Variants in DEPDC5 observed in about 807,000 individuals in gnomAD.
DEPDC5 encodes DEP domain containing 5, GATOR1 subcomplex subunit.
A neutral mutation model predicts 217.3 loss-of-function variants in DEPDC5; 73 were observed. That is an observed-to-expected ratio of 0.34 (90% CI 0.28 to 0.41). DEPDC5 has a LOEUF of 0.41. DEPDC5 is among the 10% of genes least tolerant of loss of function. The pLI, the probability that DEPDC5 is intolerant of heterozygous loss-of-function variation, is 1.00. For missense variants in DEPDC5, 1,675 were observed against 2,070.1 expected (o/e 0.81, Z 3.70); for synonymous variants, 733 against 756.7 (o/e 0.97, Z 0.51).
In DEPDC5 at chr22:31,802,778, G is replaced by C. The variant is rs767594913; in HGVS notation, c.1021G>C (p.Gly341Arg). 3.1e-6 allele frequency: 5 copies of C among 1,605,406 alleles called. No homozygotes were observed. The highest frequency in any genetic ancestry group is 8.5e-7 in the Non-Finnish European group (1 of 1,176,378). The change falls in exon 15 of 43, where the codon GGT becomes CGT. Residue 341 changes from glycine (G) to arginine (R), a missense_variant. Gly to Arg is a moderately radical substitution (Grantham distance 125, BLOSUM62 -2). Around this residue, in one of 11 missense-constraint regions of DEPDC5, gnomAD observed 628 missense variants for 762.1 expected, o/e 0.82. Transcript: ENST00000651528. ...QMSVVITPGV[G>R]VFEVDRLLMI... ...GTCAGTGGTGATCACGCCCGGGGTG[G>C]GTGTCTTTGAAGTGGACCGCCTACT...
At position 31,905,966 on chromosome 22, in the gene DEPDC5, C is replaced by T; in HGVS notation, c.4437-18C>T. 1 of 1,611,044 alleles carries T rather than the reference C, an allele frequency of 6.2e-7. No homozygotes were observed. Among genetic ancestry groups the T allele is most frequent in the Middle Eastern group, 1.7e-4 (1 of 6,056 alleles). ...ACTAAGGAGGCGCTGATTAGCATGT[C>T]TTCCTGTCCTTCCCTAGGTTTGGGT... is the stretch of plus-strand genomic sequence containing the variant. On this transcript the variant is annotated intron_variant, in intron 41 of 42. Coordinates refer to ENST00000651528, the MANE Select transcript of DEPDC5 (RefSeq NM_001242896.3).
chr22:31,906,038 G>T lies in DEPDC5; in HGVS notation c.4491G>T (p.Glu1497Asp). 1 of 1,614,176 alleles carries T rather than the reference G, an allele frequency of 6.2e-7. No homozygotes were observed. The highest frequency in any genetic ancestry group is 1.1e-5 in the South Asian group (1 of 91,086). Residue 1497 changes from glutamate (E) to aspartate (D), a missense_variant, in exon 42 of 43, where the codon GAG (glutamate) becomes GAT (aspartate). By Grantham distance (45) the Glu-to-Asp change is conservative. This residue lies in a region of DEPDC5 where 182 missense variants were observed against 290.1 expected (regional missense o/e 0.63). Coordinates refer to ENST00000651528, the MANE Select transcript of DEPDC5 (RefSeq NM_001242896.3). The surrounding 1 kb of genome is among the most constrained non-coding windows in gnomAD (Gnocchi z 5.1). ...YSASAFNFPA[E>D]NKPQYIHVTG... ...CCTCTGCTTTTAACTTCCCTGCTGA[G>T]AACAAGCCTCAGTATATCCACGTTA...
chr22:31,754,428 C>T (rs920964746), intron 1 of DEPDC5, among the ~76,000 whole-genome samples: 1 of 152,234 alleles, frequency 6.6e-6, no homozygotes, highest in African/African-American at 2.4e-5. Flanking sequence ...GGCAGCAAAA[C>T]GAGAATGGTG....
intron 20 of DEPDC5, among the ~76,000 whole-genome samples, chr22:31,812,712 C>G (rs1350151709): frequency 1.1e-4 from 16 of 147,730 alleles, no homozygotes; most frequent in African/African-American, 3.9e-4. Context: ...GCGTGAGCCA[C>G]CGCGCCCGGC....
At chr22:31,807,523 C>T (rs1056686787) in intron 18 of DEPDC5, among the ~76,000 whole-genome samples, 5 of 152,136 alleles carry the variant, frequency 3.3e-5, no homozygotes, top group South Asian at 2.1e-4. Context: ...CTTCTGCCTC[C>T]CAGGTTCAAG....
chr22:31,833,040 C>G (rs1486491909), intron 24 of DEPDC5, among the ~76,000 whole-genome samples: 1 of 152,186 alleles, frequency 6.6e-6, no homozygotes, highest in Non-Finnish European at 1.5e-5. Flanking sequence ...GAGCATCTTT[C>G]CAGTCCTTTT....
chr22:31,804,947 A>G (rs751844538), intron 17 of DEPDC5, 32 bp downstream of exon 17: 1 of 1,589,472 alleles, frequency 6.3e-7, no homozygotes, highest in Non-Finnish European at 8.6e-7. Context: ...AGTAGGTGAT[A>G]AGCGTTTTGA....
chr22:31,770,666 A>G (rs1235784254), intron 7 of DEPDC5, among the ~76,000 whole-genome samples: 2 of 149,908 alleles, frequency 1.3e-5, no homozygotes, highest in African/African-American at 4.9e-5. Flanking sequence ...TGCTGGGATT[A>G]CAGGTGTGAG....
At chr22:31,880,898 C>G (rs999959533) in intron 38 of DEPDC5, among the ~76,000 whole-genome samples, 2 of 152,084 alleles carry the variant, frequency 1.3e-5, no homozygotes, top group African/African-American at 4.8e-5. Context: ...ACAGTGTGCA[C>G]CAGGTACTCG....
chr22:31,773,993 C>A (rs1337004419), intron 7 of DEPDC5, among the ~76,000 whole-genome samples: 1 of 151,808 alleles, frequency 6.6e-6, no homozygotes, highest in African/African-American at 2.4e-5. Context: ...ATTGCTTGAA[C>A]CTGGGAGGCA....
In DEPDC5 at chr22:31,780,289, G is replaced by A. The variant is rs1180194437; in HGVS notation, c.483+2121G>A. On this transcript the variant is annotated intron_variant, in intron 8 of 42. Transcript: ENST00000651528. ...CACAGAACTTGCTCATAGATTGGAT[G>A]TGAGGAGTGAAGGAAAGAGAAGTAC... Among the ~76,000 whole-genome samples, 3 of 152,198 alleles carry A rather than the reference G, an allele frequency of 2.0e-5. No homozygotes were observed. The South Asian group carries it at 6.2e-4, about 31-fold the overall frequency.
chr22:31,880,056 G>C (rs747901324), intron 38 of DEPDC5: 7 of 374,566 alleles, frequency 1.9e-5, no homozygotes, highest in Non-Finnish European at 3.1e-5. Context: ...GTAGGATATA[G>C]GAGATGTGAG....
chr22:31,894,168 A>C (rs2093498976), intron 39 of DEPDC5: 1 of 153,352 alleles, frequency 6.5e-6, no homozygotes, highest in African/African-American at 2.4e-5. Flanking sequence ...AGTGAAAAGT[A>C]AGTCTGTTTC....
intron 31 of DEPDC5, among the ~76,000 whole-genome samples, chr22:31,847,520 A>T (rs746649793): frequency 6.6e-6 from 1 of 152,222 alleles, no homozygotes; most frequent in Non-Finnish European, 1.5e-5. Flanking sequence ...AAAGGGAAGC[A>T]AACACATCCT....
In DEPDC5 at chr22:31,767,372, C is replaced by T. The variant is rs550067824; in HGVS notation, c.363+704C>T. Among the ~76,000 whole-genome samples, 7 of 151,570 alleles carry T rather than the reference C, an allele frequency of 4.6e-5. No homozygotes were observed. In the South Asian group the frequency reaches 6.3e-4, roughly 14 times the overall value. On this transcript the variant is annotated intron_variant, in intron 6 of 42. Coordinates refer to ENST00000651528, the MANE Select transcript of DEPDC5 (RefSeq NM_001242896.3). ...GTGCAATGGCGTGATCTCGGCTCAC[C>T]ACAACCTCGGCCTTCCTGGTTCAAG...
intron 9 of DEPDC5, chr22:31,784,603 A>G: frequency 2.3e-6 from 1 of 440,094 alleles, no homozygotes; most frequent in Non-Finnish European, 4.1e-6. Flanking sequence ...CTGGGAGACA[A>G]AGTGAGACTC....
At chr22:31,842,728 C>T (rs2091471985) in intron 27 of DEPDC5, among the ~76,000 whole-genome samples, 1 of 152,268 alleles carries the variant, frequency 6.6e-6, no homozygotes, top group Non-Finnish European at 1.5e-5. Context: ...GTGAGAACCT[C>T]GAATGCCAAG....
intron 39 of DEPDC5, among the ~76,000 whole-genome samples, chr22:31,896,137 T>C (rs1014684569): frequency 1.3e-5 from 2 of 152,180 alleles, no homozygotes; most frequent in African/African-American, 2.4e-5. Flanking sequence ...AAAGTACACC[T>C]TTCACATCTG....
At chr22:31,797,899 A>G (rs1322690505) in intron 13 of DEPDC5, among the ~76,000 whole-genome samples, 196 bp downstream of exon 13, 1 of 149,080 alleles carries the variant, frequency 6.7e-6, no homozygotes, top group Non-Finnish European at 1.5e-5. Context: ...TAATACAGGG[A>G]GTGAGGCCTT....
Sources: allele counts gnomAD v4.1 joint callset (sites outside exome capture counted in the v4.1 genomes callset), GRCh38; gene constraint gnomAD v4.1.1; regional missense constraint gnomAD v4.1.1; non-coding constraint Gnocchi (gnomAD v3.1); transcripts MANE v1.5; gene names NCBI Gene and HGNC (gene_info 2026-07-23, HGNC 2026-07-21).